RNF126: variants seen among roughly 807,000 people sequenced by gnomAD.
RNF126 encodes the protein ring finger protein 126.
In RNF126, 20 loss-of-function variants were observed where a neutral mutation model predicts 41.9. The observed-to-expected ratio is 0.48, with a 90% CI of 0.34 to 0.69. The LOEUF (loss-of-function observed/expected upper bound fraction) is 0.69. RNF126 is among the 30% of genes least tolerant of loss of function. The pLI is 0.01. For missense variants in RNF126, 433 were observed against 460.6 expected, an observed-to-expected ratio of 0.94 and a Z score of 0.55; for synonymous variants, 239 against 202.9, an observed-to-expected ratio of 1.18 and a Z score of -1.51.
chr19:650,965 G>A (rs2030247863), intron 4 of RNF126, among the ~76,000 whole-genome samples: 1 of 152,156 alleles, frequency 6.6e-6, no homozygotes, highest in African/African-American at 2.4e-5. Context: ...CTGTCCTCAA[G>A]AGATCCTCCC....
At chr19:650,927 C>T (rs187261285) in intron 4 of RNF126, among the ~76,000 whole-genome samples, 260 of 152,178 alleles carry the variant, frequency 1.7e-3, no homozygotes, top group Non-Finnish European at 3.0e-3. Flanking sequence ...TGGGGCCTCC[C>T]TACATTGCTC....
At chr19:655,884 G>A (rs545579915) in intron 1 of RNF126, among the ~76,000 whole-genome samples, 5 of 152,184 alleles carry the variant, frequency 3.3e-5, no homozygotes, top group Admixed American at 2.0e-4. Context: ...GCCACGGCGG[G>A]GGGGAGGGGG....
intron 1 of RNF126, among the ~76,000 whole-genome samples, chr19:657,955 G>A (rs1394256318): frequency 6.6e-6 from 1 of 152,066 alleles, no homozygotes; most frequent in Non-Finnish European, 1.5e-5. Flanking sequence ...GCAGCTGCAG[G>A]TAGAAACGCC....
In RNF126 at chr19:659,767, T is replaced by G. The variant is rs1056035237; in HGVS notation, c.75+3280A>C. On this transcript the variant is annotated intron_variant, in intron 1 of 8. Coordinates refer to ENST00000292363, the MANE Select transcript of RNF126 (RefSeq NM_194460.3). This position sits in a 1 kb window ranked among gnomAD's most constrained non-coding sequence, Gnocchi z 4.9. ...ACACCCAGACACCCTCGTCATCGCC[T>G]TTTTTTTTTTTTTTTGGAAGGAGTC... 1.2e-4 allele frequency among the ~76,000 whole-genome samples: 14 copies of G among 118,866 alleles called. No individual in the cohort carries two copies. The highest frequency in any genetic ancestry group is 9.1e-4 in the Admixed American group (11 of 12,102). 78.0% of individuals were successfully genotyped at this position (118,866 alleles called of 152,430 possible). A position where few individuals can be genotyped will look rare whatever the true frequency, so the allele number is the denominator to read the frequency against.
At chr19:648,536 A>G in intron 7 of RNF126, 49 bp from the exon 8 acceptor site, 1 of 1,428,272 alleles carries the variant, frequency 7.0e-7, no homozygotes, top group South Asian at 1.2e-5. Context: ...GGGCCTGCCG[A>G]GCCTTCAAGG....
intron 1 of RNF126, among the ~76,000 whole-genome samples, chr19:654,209 G>C (rs1221067460): frequency 6.6e-6 from 1 of 152,198 alleles, no homozygotes; most frequent in East Asian, 1.9e-4. Flanking sequence ...GTGAGCAAAC[G>C]ATGCCAGATG....
chr19:652,961 G>A (rs887475331), intron 1 of RNF126, 77 bp from the exon 2 acceptor site: 8 of 1,368,600 alleles, frequency 5.8e-6, no homozygotes, highest in South Asian at 1.2e-5. Flanking sequence ...GAGGACAGAG[G>A]GGCTCCGGAC....
chr19:656,556 G>A (rs956525846), intron 1 of RNF126, among the ~76,000 whole-genome samples: 1 of 152,106 alleles, frequency 6.6e-6, no homozygotes, highest in Non-Finnish European at 1.5e-5. Flanking sequence ...GCTGAGGCAC[G>A]AGAATCGCTT....
rs2030542383 is a variant in RNF126, at chr19:655,869, A to G, written c.76-2985T>C. On this transcript the variant is annotated intron_variant, in intron 1 of 8. Transcript: ENST00000292363. ...AACCATGGAAAGGGGCAAGGCCCAG[A>G]CCAGGCCACGGCGGGGGGGAGGGGG... 2.0e-5 allele frequency among the ~76,000 whole-genome samples: 3 copies of G among 152,016 alleles called. No individual in the cohort carries two copies. In the South Asian group the frequency reaches 6.3e-4, roughly 32 times the overall value.
At chr19:662,401 C>A (rs551803607) in intron 1 of RNF126, among the ~76,000 whole-genome samples, 243 of 152,312 alleles carry the variant, frequency 1.6e-3, no homozygotes, top group African/African-American at 5.6e-3. Flanking sequence ...GCTGCGCAGC[C>A]AAGCCCCGGG....
In RNF126 at chr19:663,028, G is replaced by C; in HGVS notation, c.75+19C>G. On this transcript the variant is annotated intron_variant, in intron 1 of 8. Coordinates refer to ENST00000292363, the MANE Select transcript of RNF126 (RefSeq NM_194460.3). ...TGCGGCGCAGACCCTGCCGCCCGCC[G>C]CCCCGGCCCGGGCCTCACCGGCAGG... The C allele has an allele frequency of 7.6e-7, 1 of 1,318,134 alleles. No homozygotes were observed. The highest frequency in any genetic ancestry group is 9.8e-7 in the Non-Finnish European group (1 of 1,023,484). The allele number at this position is 1,318,134 out of a possible 1,614,324, so 81.7% of individuals were successfully genotyped here.
intron 1 of RNF126, 78 bp downstream of exon 1, chr19:662,969 G>T (rs1452395034): frequency 6.3e-6 from 4 of 633,606 alleles, no homozygotes; most frequent in South Asian, 9.5e-5. Flanking sequence ...GGGCGCAAGC[G>T]ACCCCCACCC....
intron 2 of RNF126, 121 bp from the exon 3 acceptor site, chr19:652,417 C>A: frequency 1.2e-6 from 1 of 853,640 alleles, no homozygotes; most frequent in Non-Finnish European, 1.8e-6. Flanking sequence ...GCTTCCCACC[C>A]GCCACCGCCC....
intron 3 of RNF126, 92 bp from the exon 4 acceptor site, chr19:651,947 C>G (rs745756255): frequency 8.0e-7 from 1 of 1,243,998 alleles, no homozygotes; most frequent in East Asian, 2.5e-5. Flanking sequence ...GAAAGCAAGA[C>G]GGGCCCTGCT....
At position 663,159 on chromosome 19, in the gene RNF126, G is replaced by A. The variant is rs1313998189; in HGVS notation, c.-38C>T. On this transcript the variant is annotated 5_prime_UTR_variant, in exon 1 of 9. Coordinates refer to ENST00000292363, the MANE Select transcript of RNF126 (RefSeq NM_194460.3). The stretch of plus-strand genomic sequence containing the variant: ...CTACTCCGCGCCGCCCGCCCCCCGC[G>A]CGGCACCCGCCGCCGGCCGTTTGCT... The A allele has an allele frequency of 4.7e-6, 5 of 1,066,382 alleles. No homozygotes were observed. Among genetic ancestry groups the A allele is most frequent in the Non-Finnish European group, 4.7e-6 (4 of 857,066 alleles). The allele number at this position is 1,066,382 out of a possible 1,614,324, so 66.1% of individuals were successfully genotyped here.
At chr19:649,932 G>A (rs2030191625) in intron 5 of RNF126, among the ~76,000 whole-genome samples, 184 bp from the exon 6 acceptor site, 1 of 145,160 alleles carries the variant, frequency 6.9e-6, no homozygotes, top group Non-Finnish European at 1.5e-5. Flanking sequence ...GGCTGGGGAT[G>A]GGAACAGGCA....
In RNF126 at chr19:648,167, G is replaced by A; in HGVS notation, c.897C>T (p.Ser299=). 1 of 1,605,516 alleles carries A rather than the reference G, an allele frequency of 6.2e-7. No individual in the cohort carries two copies. The highest frequency in any genetic ancestry group is 8.5e-7 in the Non-Finnish European group (1 of 1,174,654). The change falls in exon 9 of 9, where the codon TCC becomes TCT. Residue 299 remains serine, a synonymous_variant. Coordinates refer to ENST00000292363, the MANE Select transcript of RNF126 (RefSeq NM_194460.3). ...TGGCGTTCTCGTTGCTGGGCGAGCT[G>A]GAGGAGGACGATGACGACGAGGAGG... ...SFSSSSSSSS[S]SSPSNENATS...
At chr19:652,476 C>G (rs945008775) in intron 2 of RNF126, 180 bp from the exon 3 acceptor site, 1 of 623,652 alleles carries the variant, frequency 1.6e-6, no homozygotes, top group Non-Finnish European at 2.8e-6. Context: ...CAGTAAACCA[C>G]GGGTTTCTCG....
chr19:651,343 G>A (rs10426061), intron 4 of RNF126: 20,489 of 344,516 alleles, frequency 0.059, 786 homozygotes, highest in African/African-American at 0.12. Flanking sequence ...GACGACACGC[G>A]TGTGGACAGC....
Sources: allele counts gnomAD v4.1 joint callset (sites outside exome capture counted in the v4.1 genomes callset), GRCh38; gene constraint gnomAD v4.1.1; non-coding constraint Gnocchi (gnomAD v3.1); transcripts MANE v1.5; gene names NCBI Gene and HGNC (gene_info 2026-07-23, HGNC 2026-07-21).